Variants in MUC17 observed in about 807,000 individuals in gnomAD.
MUC17 encodes the protein mucin 17, cell surface associated.
Under a neutral mutation model 170.3 loss-of-function variants are expected in MUC17, and 190 were observed. The observed-to-expected ratio is 1.12, with a 90% CI of 0.99 to 1.26. The LOEUF is 1.26. Ranked by LOEUF, MUC17 falls within the 50% of genes most tolerant of loss-of-function variation. The pLI is 0.00. For synonymous variants in MUC17, 2,325 were observed against 2,002.5 expected, an observed-to-expected ratio of 1.16 and a Z score of -4.30; for missense variants, 6,415 against 5,530.0, an observed-to-expected ratio of 1.16 and a Z score of -5.08.
In MUC17 at chr7:101,040,620, A is replaced by G. The variant is rs372938444; in HGVS notation, c.9204A>G (p.Thr3068=). Residue 3068 remains threonine (T), a synonymous_variant, in exon 3 of 13, where the codon ACA becomes ACG. Transcript: ENST00000306151. ...VAIPEASTLS[T]TPVDSNSPVV... ...TTCCTGAGGCTAGCACCCTTTCAAC[A>G]ACTCCTGTTGACTCCAACAGTCCTG... 68 of 1,611,962 alleles carry G rather than the reference A, an allele frequency of 4.2e-5. No individual in the cohort carries two copies. In the African/African-American group the frequency reaches 7.5e-4, roughly 18 times the overall value.
At position 101,032,211 on chromosome 7, in the gene MUC17, G is replaced by A. The variant is rs1794302225; in HGVS notation, c.795G>A (p.Leu265=). 6.2e-7 allele frequency: 1 copy of A among 1,614,098 alleles called. No homozygotes were observed. Among genetic ancestry groups the A allele is most frequent in the Non-Finnish European group, 8.5e-7 (1 of 1,180,002 alleles). Residue 265 remains leucine (L), a synonymous_variant, in exon 3 of 13, where the codon CTG becomes CTA. Coordinates refer to ENST00000306151, the MANE Select transcript of MUC17 (RefSeq NM_001040105.2). ...CTACAACTGCTGAAGGTCCCAGCCT[G>A]TCAAACTCAGCTCCTAGTGGAGGAA... The part of the protein sequence containing the change: ...SSPTTAEGPS[L]SNSAPSGGST...
chr7:101,050,370 C>T, intron 6 of MUC17, 114 bp from the exon 7 acceptor site: 1 of 1,471,030 alleles, frequency 6.8e-7, no homozygotes. Flanking sequence ...CCCCAACTGT[C>T]CTGCCCCCAG....
intron 1 of MUC17, among the ~76,000 whole-genome samples, chr7:101,024,894 G>A (rs971187073): frequency 6.6e-6 from 1 of 151,738 alleles, no homozygotes; most frequent in African/African-American, 2.4e-5. Flanking sequence ...CAGGAGCAGT[G>A]GTTTATGTCT....
At chr7:101,020,851 G>C (rs565775962) in intron 1 of MUC17, among the ~76,000 whole-genome samples, 115 of 152,114 alleles carry the variant, frequency 7.6e-4, no homozygotes, top group Non-Finnish European at 8.4e-4. Context: ...GGGCTTCATG[G>C]CCACAGGGAC....
At chr7:101,051,702 T>C in intron 8 of MUC17, 21 bp downstream of exon 8, 1 of 1,609,082 alleles carries the variant, frequency 6.2e-7, no homozygotes, top group Non-Finnish European at 8.5e-7. Context: ...ACACAAGGGG[T>C]TTGGGGGAAG....
chr7:101,032,463 T>C lies in MUC17; in HGVS notation c.1047T>C (p.Ser349=). Residue 349 remains serine (S), a synonymous_variant, in exon 3 of 13, where the codon TCT becomes TCC. Coordinates refer to ENST00000306151, the MANE Select transcript of MUC17 (RefSeq NM_001040105.2). ...TPASTMPVAT[S]EMSTLSITPV... is the part of the protein sequence containing the mutation. ...CCAGCACCATGCCGGTTGCCACTTC[T>C]GAAATGAGCACACTTTCAATAACTC... 6.2e-7 allele frequency: 1 copy of C among 1,613,984 alleles called. No individual in the cohort carries two copies. The highest frequency in any genetic ancestry group is 2.2e-5 in the East Asian group (1 of 44,878).
chr7:101,038,618 G>A lies in MUC17; in HGVS notation c.7202G>A (p.Ser2401Asn), dbSNP rs764001311. The A allele has an allele frequency of 6.2e-7, 1 of 1,613,958 alleles. No individual in the cohort carries two copies. Among genetic ancestry groups the A allele is most frequent in the Admixed American group, 1.7e-5 (1 of 59,994 alleles). ...TYSEGSTPLTSVPVSTMPVVS... is the reference protein window; with the variant it reads ...TYSEGSTPLTNVPVSTMPVVS... Reference sequence around the variant, plus strand: ...AGTGAAGGAAGCACTCCACTAACAAGTGTGCCTGTCAGCACCATGCCGGTG... The same window carrying A: ...AGTGAAGGAAGCACTCCACTAACAAATGTGCCTGTCAGCACCATGCCGGTG... Residue 2401 changes from serine to asparagine, a missense_variant, in exon 3 of 13, where the codon AGT becomes AAT. Coordinates refer to ENST00000306151, the MANE Select transcript of MUC17 (RefSeq NM_001040105.2).
chr7:101,037,292 C>CTTA lies in MUC17; in HGVS notation c.5879_5881dup (p.Tyr1960dup). 1 of 1,613,574 alleles carries CTTA rather than the reference C, an allele frequency of 6.2e-7. No individual in the cohort carries two copies. Among genetic ancestry groups the CTTA allele is most frequent in the Non-Finnish European group, 8.5e-7 (1 of 1,179,652 alleles). On this transcript the variant is annotated inframe_insertion, in exon 3 of 13. Coordinates refer to ENST00000306151, the MANE Select transcript of MUC17 (RefSeq NM_001040105.2). ...GCTGACACCAGGACACCTGTGACCA[C>CTTA]TTATTCTCAAGCCAGTTCATCTCCT... is the stretch of plus-strand genomic sequence containing the variant.
Position 101,033,148 on chromosome 7 carries a change from A to T in MUC17, c.1732A>T (p.Ser578Cys). 2 of 1,612,062 alleles carry T rather than the reference A, an allele frequency of 1.2e-6. No homozygotes were observed. The highest frequency in any genetic ancestry group is 1.7e-6 in the Non-Finnish European group (2 of 1,178,706). The change falls in exon 3 of 13, where the codon AGC (serine) becomes TGC (cysteine). Residue 578 changes from serine to cysteine, a missense_variant. Physicochemically the swap from Ser to Cys is moderately radical, Grantham distance 112. Transcript: ENST00000306151. ...CACTCCATTAACAAACATGCCTGTC[A>T]GCACCAGGCTGGTGGTCAGTTCTGA... ...GSTPLTNMPV[S>C]TRLVVSSEAS...
At chr7:101,020,366 G>A in intron 1 of MUC17, 149 bp downstream of exon 1, 1 of 526,122 alleles carries the variant, frequency 1.9e-6, no homozygotes, top group Non-Finnish European at 3.1e-6. Context: ...CTACCCCCTG[G>A]ACTTCTCTTC....
rs541276961 is a variant in MUC17 at position 101,047,170 on chromosome 7, T to TA, written c.12404-808dup. On this transcript the variant is annotated intron_variant, in intron 3 of 12. Transcript: ENST00000306151. The stretch of plus-strand genomic sequence containing the variant: ...CCTCAAACTCCACATCCCAGTAAAT[T>TA]AAAAAAGAATCAGAATGAGTCATAA... Among the ~76,000 whole-genome samples, 92 of 151,954 alleles carry TA rather than the reference T, an allele frequency of 6.1e-4. 1 individual carries two copies. In the South Asian group the frequency reaches 0.019, roughly 31 times the overall value.
In MUC17 at chr7:101,040,325, C is replaced by T. The variant is rs372509913; in HGVS notation, c.8909C>T (p.Thr2970Ile). Residue 2970 changes from threonine to isoleucine, a missense_variant, in exon 3 of 13, where the codon ACA (threonine) becomes ATA (isoleucine). Transcript: ENST00000306151. Reference sequence around the variant, plus strand: ...TCTGCTGAAGCTAGTTCTTCTCCTACAACTGCTGAAGGTACCAGCATGCCA... The same window carrying T: ...TCTGCTGAAGCTAGTTCTTCTCCTATAACTGCTGAAGGTACCAGCATGCCA... ...TTSAEASSSP[T>I]TAEGTSMPIS... 8 of 1,612,634 alleles carry T rather than the reference C, an allele frequency of 5.0e-6. 1 individual carries two copies. Among genetic ancestry groups the T allele is most frequent in the Non-Finnish European group, 6.8e-6 (8 of 1,179,456 alleles).
rs148500038 is a variant in MUC17, at chr7:101,040,396, G to A, written c.8980G>A (p.Val2994Ile). 2.4e-5 allele frequency: 38 copies of A among 1,612,444 alleles called. No individual in the cohort carries two copies. The highest frequency in any genetic ancestry group is 8.4e-5 in the Admixed American group (5 of 59,632). ...ERRTPLTSMS[V>I]STMPVASSEA... is the part of the protein sequence containing the mutation. Reference sequence around the variant, plus strand: ...AAGAACTCCATTAACAAGTATGTCTGTCAGCACCATGCCGGTGGCCAGTTC... The same window carrying A: ...AAGAACTCCATTAACAAGTATGTCTATCAGCACCATGCCGGTGGCCAGTTC... Residue 2994 changes from valine (V) to isoleucine (I), a missense_variant, in exon 3 of 13, where the codon GTC (valine) becomes ATC (isoleucine). Val to Ile is a conservative substitution (Grantham distance 29). Coordinates refer to ENST00000306151, the MANE Select transcript of MUC17 (RefSeq NM_001040105.2).
In MUC17 at chr7:101,050,511, C is replaced by A. The variant is rs529322511; in HGVS notation, c.12750C>A (p.Asp4250Glu). Residue 4250 changes from aspartate (D) to glutamate (E), a missense_variant, in exon 7 of 13, where the codon GAC becomes GAA. By Grantham distance (45) the Asp-to-Glu change is conservative. Transcript: ENST00000306151. The part of the protein sequence containing the change: ...LRLGSVVVEH[D>E]VLLRTKYTPE... ...TTGGCAGTGTGGTGGTGGAGCATGA[C>A]GTCCTCCTAAGAACCAAGTACACAC... 12 of 1,613,760 alleles carry A rather than the reference C, an allele frequency of 7.4e-6. No homozygotes were observed. The highest frequency in any genetic ancestry group is 1.0e-5 in the Non-Finnish European group (12 of 1,179,872).
At position 101,041,973 on chromosome 7, in the gene MUC17, A is replaced by T. The variant is rs1416987654; in HGVS notation, c.10557A>T (p.Leu3519Phe). ...CTGCTGGTGAAGGAAGCACTCCATT[A>T]ACAAATATGCCTGTCAGCACCACAC... ...TSTAGEGSTP[L>F]TNMPVSTTPV... Residue 3519 changes from leucine (L) to phenylalanine (F), a missense_variant, in exon 3 of 13, where the codon TTA (leucine) becomes TTT (phenylalanine). Coordinates refer to ENST00000306151, the MANE Select transcript of MUC17 (RefSeq NM_001040105.2). 5 of 1,612,892 alleles carry T rather than the reference A, an allele frequency of 3.1e-6. No individual in the cohort carries two copies. The East Asian group carries it at 1.1e-4, about 36-fold the overall frequency.
At position 101,037,725 on chromosome 7, in the gene MUC17, A is replaced by G; in HGVS notation, c.6309A>G (p.Leu2103=). The G allele has an allele frequency of 6.2e-7, 1 of 1,613,174 alleles. No individual in the cohort carries two copies. The highest frequency in any genetic ancestry group is 1.1e-5 in the South Asian group (1 of 90,956). ...CAGCTCCTAGTGAAGGAAGTCCTCT[A>G]CTAACAAGTATACCTCTCAGCACCA... is the stretch of plus-strand genomic sequence containing the variant. ...TISAPSEGSP[L]LTSIPLSTTP... is the part of the protein sequence containing the mutation. The change falls in exon 3 of 13, where the codon CTA becomes CTG. Residue 2103 remains leucine (L), a synonymous_variant. Coordinates refer to ENST00000306151, the MANE Select transcript of MUC17 (RefSeq NM_001040105.2).
chr7:101,024,619 C>T (rs528306208), intron 1 of MUC17, among the ~76,000 whole-genome samples: 9 of 152,084 alleles, frequency 5.9e-5, no homozygotes, highest in East Asian at 3.9e-4. Context: ...ATCAGATGAA[C>T]GCTTTGGCTT....
intron 1 of MUC17, among the ~76,000 whole-genome samples, chr7:101,028,466 T>G (rs926058178): frequency 6.6e-6 from 1 of 152,204 alleles, no homozygotes; most frequent in African/African-American, 2.4e-5. Flanking sequence ...TCTTCTTCAA[T>G]GTCTAATCTG....
chr7:101,043,559 C>T lies in MUC17; in HGVS notation c.12143C>T (p.Ser4048Leu). 6.2e-7 allele frequency: 1 copy of T among 1,614,220 alleles called. No homozygotes were observed. The highest frequency in any genetic ancestry group is 1.1e-5 in the South Asian group (1 of 91,086). The change falls in exon 3 of 13, where the codon TCA becomes TTA. Residue 4048 changes from serine (S) to leucine (L), a missense_variant. Physicochemically the swap from Ser to Leu is moderately radical, Grantham distance 145. Transcript: ENST00000306151. ...TSVTTRPVTP[S>L]SESSRPSTIT... ...GTCACCACCCGTCCTGTGACCCCTTCATCAGAATCCAGCAGGCCGTCAACA... is the reference window on the plus strand; with the variant it reads ...GTCACCACCCGTCCTGTGACCCCTTTATCAGAATCCAGCAGGCCGTCAACA...
Sources: gnomAD v4.1 joint callset for allele counts (sites outside exome capture counted in the v4.1 genomes callset) on GRCh38, gnomAD v4.1.1 for gene constraint, MANE v1.5 for transcripts, NCBI Gene and HGNC (gene_info 2026-07-23, HGNC 2026-07-21) for gene names.